SMYD2: variants seen among roughly 807,000 people sequenced by gnomAD.
The protein encoded by SMYD2 is SET and MYND domain containing 2.
SMYD2 carries 53 observed loss-of-function variants against 59.1 expected under a neutral mutation model. The observed-to-expected ratio is 0.90, with a 90% confidence interval of 0.72 to 1.13. SMYD2 has a LOEUF of 1.13. SMYD2 is among the 50% of genes most tolerant of loss of function. The pLI, the probability that SMYD2 is intolerant of heterozygous loss-of-function variation, is 0.00. For synonymous variants in SMYD2, 208 were observed against 198.8 expected, an observed-to-expected ratio of 1.05 and a Z score of -0.39; for missense variants, 494 against 544.7, an observed-to-expected ratio of 0.91 and a Z score of 0.93.
chr1:214,281,186 G>A lies in SMYD2; in HGVS notation c.-69G>A, dbSNP rs1169358675. On this transcript the variant is annotated 5_prime_UTR_variant, in exon 1 of 12. Transcript: ENST00000366957. ...CCCGCCCCCCGCAGCTCTAGGTGAC[G>A]CGTCTCCAATAACAGCTCGCCGGGA... The A allele has an allele frequency of 2.6e-6, 3 of 1,135,314 alleles. No homozygotes were observed. The highest frequency in any genetic ancestry group is 6.8e-5 in the East Asian group (2 of 29,332). The allele number at this position is 1,135,314 out of a possible 1,614,324, so 70.3% of individuals were successfully genotyped here. A position where few individuals can be genotyped will look rare whatever the true frequency, so the allele number is the denominator to read the frequency against.
chr1:214,315,532 G>A (rs1657072121), intron 3 of SMYD2, among the ~76,000 whole-genome samples: 1 of 152,206 alleles, frequency 6.6e-6, no homozygotes, highest in African/African-American at 2.4e-5. Context: ...TTCTGTGGTG[G>A]GCAGGACTAT....
At chr1:214,304,088 G>A (rs1330158897) in intron 1 of SMYD2, among the ~76,000 whole-genome samples, 3 of 152,184 alleles carry the variant, frequency 2.0e-5, no homozygotes, top group African/African-American at 7.2e-5. Context: ...ATACACACGC[G>A]AGCACCTAAC....
intron 2 of SMYD2, 41 bp downstream of exon 2, chr1:214,305,291 TG>T: frequency 6.4e-7 from 1 of 1,567,064 alleles, no homozygotes; most frequent in East Asian, 2.2e-5. Context: ...TAATTTCCTC[TG>T]AAGTCCTCCT....
chr1:214,285,609 A>G (rs1280197042), intron 1 of SMYD2, among the ~76,000 whole-genome samples: 1 of 152,264 alleles, frequency 6.6e-6, no homozygotes, highest in Non-Finnish European at 1.5e-5. Flanking sequence ...AAAAAGTGCC[A>G]TTAAAGAATG....
chr1:214,335,267 G>T (rs1485245594), intron 11 of SMYD2, among the ~76,000 whole-genome samples: 1 of 152,250 alleles, frequency 6.6e-6, no homozygotes, highest in Non-Finnish European at 1.5e-5. Flanking sequence ...AGCCAGGCTG[G>T]AAGGGAGCAC....
chr1:214,332,675 G>A (rs773671639), intron 10 of SMYD2: 1 of 152,886 alleles, frequency 6.5e-6, no homozygotes, highest in Non-Finnish European at 1.5e-5. Context: ...CCCACCCCAG[G>A]TTTGGAAAAA....
chr1:214,330,910 A>G, intron 8 of SMYD2, 40 bp from the exon 9 acceptor site: 1 of 1,612,908 alleles, frequency 6.2e-7, no homozygotes, highest in Non-Finnish European at 8.5e-7. Flanking sequence ...TGTGGTTTCC[A>G]TGGGCGGTAA....
At chr1:214,291,161 A>G (rs1349862051) in intron 1 of SMYD2, among the ~76,000 whole-genome samples, 1 of 152,240 alleles carries the variant, frequency 6.6e-6, no homozygotes, top group African/African-American at 2.4e-5. Context: ...AAACAACTCC[A>G]AAGAAAAGGA....
rs937770111 is a variant in SMYD2 at position 214,291,848 on chromosome 1, A to G, written c.173+10421A>G. On this transcript the variant is annotated intron_variant, in intron 1 of 11. Coordinates refer to ENST00000366957, the MANE Select transcript of SMYD2 (RefSeq NM_020197.3). ...AAAATAGCAGCAGCTCTGGGTAGATATATTTTAGAAGTTAATGAAATATGG... is the reference window on the plus strand; with the variant it reads ...AAAATAGCAGCAGCTCTGGGTAGATGTATTTTAGAAGTTAATGAAATATGG... Among the ~76,000 whole-genome samples, 6 of 152,278 alleles carry G rather than the reference A, an allele frequency of 3.9e-5. 1 individual carries two copies. The highest frequency in any genetic ancestry group is 1.4e-4 in the African/African-American group (6 of 41,552).
At chr1:214,298,063 T>A (rs7552475) in intron 1 of SMYD2, among the ~76,000 whole-genome samples, 28 of 152,006 alleles carry the variant, frequency 1.8e-4, no homozygotes. Flanking sequence ...TTTCTAAAAT[T>A]CATGTGGAAC....
At chr1:214,303,288 T>A (rs778264881) in intron 1 of SMYD2, among the ~76,000 whole-genome samples, 2 of 152,174 alleles carry the variant, frequency 1.3e-5, no homozygotes, top group Non-Finnish European at 2.9e-5. Flanking sequence ...TGTCTTTGCT[T>A]TTCCTCCCCT....
chr1:214,329,090 G>C (rs1465953617), intron 7 of SMYD2, among the ~76,000 whole-genome samples: 6 of 152,232 alleles, frequency 3.9e-5, no homozygotes, highest in Admixed American at 3.9e-4. Flanking sequence ...GTGTGAGGCA[G>C]GGCAGGGGTG....
At chr1:214,299,875 G>A (rs1468139952) in intron 1 of SMYD2, among the ~76,000 whole-genome samples, 1 of 152,062 alleles carries the variant, frequency 6.6e-6, no homozygotes, top group Non-Finnish European at 1.5e-5. Context: ...CAAAGTGCTG[G>A]GATTACAGGC....
At chr1:214,333,008 G>A (rs143044960) in intron 10 of SMYD2, 14 of 152,316 alleles carry the variant, frequency 9.2e-5, no homozygotes, top group African/African-American at 3.4e-4. Context: ...GAAGCCCTCA[G>A]TCTCCTTCCA....
chr1:214,336,629 A>C (rs1657443551), intron 11 of SMYD2, 75 bp from the exon 12 acceptor site: 4 of 1,397,680 alleles, frequency 2.9e-6, no homozygotes, highest in Non-Finnish European at 4.0e-6. Context: ...GAGAGATCCA[A>C]CTTAAAGTTA....
At chr1:214,287,461 CCT>C (rs1217811636) in intron 1 of SMYD2, among the ~76,000 whole-genome samples, 1 of 151,612 alleles carries the variant, frequency 6.6e-6, no homozygotes, top group Non-Finnish European at 1.5e-5. Flanking sequence ...GTGGCGGGCG[CCT>C]GTAATCCCAG....
chr1:214,295,045 G>A (rs145362267), intron 1 of SMYD2, among the ~76,000 whole-genome samples: 68 of 152,226 alleles, frequency 4.5e-4, no homozygotes, highest in African/African-American at 1.5e-3. Context: ...AAGAAGCGGT[G>A]GATATTATTT....
At chr1:214,291,270 T>C (rs1656631378) in intron 1 of SMYD2, among the ~76,000 whole-genome samples, 1 of 152,206 alleles carries the variant, frequency 6.6e-6, no homozygotes, top group Non-Finnish European at 1.5e-5. Flanking sequence ...GCAGATGCTG[T>C]ATAAAAGGCA....
chr1:214,314,677 A>T, intron 2 of SMYD2, 85 bp from the exon 3 acceptor site: 1 of 944,218 alleles, frequency 1.1e-6, no homozygotes, highest in East Asian at 2.4e-5. Flanking sequence ...GACCTTAACT[A>T]GGGGGACTCA....
Sources: gnomAD v4.1 joint callset for allele counts (sites outside exome capture counted in the v4.1 genomes callset) on GRCh38, gnomAD v4.1.1 for gene constraint, MANE v1.5 for transcripts, NCBI Gene and HGNC (gene_info 2026-07-23, HGNC 2026-07-21) for gene names.